MAGI2: variants seen among roughly 807,000 people sequenced by gnomAD.
The protein encoded by MAGI2 is membrane-associated guanylate kinase, WW and PDZ domain-containing protein 2.
In MAGI2, 35 loss-of-function variants were observed where a neutral mutation model predicts 133.3. That is an observed-to-expected ratio of 0.26 (90% CI 0.20 to 0.35). The LOEUF (loss-of-function observed/expected upper bound fraction) is 0.35, where lower values mean the gene tolerates loss of function less well. MAGI2 is among the 10% of genes least tolerant of loss of function. The probability of loss-of-function intolerance (pLI) is 1.00; values close to 1 mark genes in which losing one functional copy is unlikely to be tolerated. For synonymous variants in MAGI2, 729 were observed against 710.6 expected, an observed-to-expected ratio of 1.03 and a Z score of -0.41; for missense variants, 1,636 against 1,863.4, an observed-to-expected ratio of 0.88 and a Z score of 2.25.
intron 14 of MAGI2, among the ~76,000 whole-genome samples, chr7:78,173,539 A>T (rs1826309282): frequency 1.3e-5 from 2 of 152,224 alleles, no homozygotes; most frequent in African/African-American, 2.4e-5. Flanking sequence ...GACTCTATTA[A>T]AGTAAGTATC....
chr7:79,095,156 T>C (rs1424391653), intron 1 of MAGI2, among the ~76,000 whole-genome samples: 1 of 152,212 alleles, frequency 6.6e-6, no homozygotes, highest in Admixed American at 6.5e-5. Flanking sequence ...ATCTTCTGGA[T>C]AGCCTCTGCG....
At chr7:78,764,106 T>C (rs552607393) in intron 2 of MAGI2, among the ~76,000 whole-genome samples, 3 of 152,338 alleles carry the variant, frequency 2.0e-5, no homozygotes, top group African/African-American at 7.2e-5. Context: ...TGCTCTGGTG[T>C]GAACTTAAGG....
chr7:78,346,778 A>G (rs1420115718), intron 7 of MAGI2, among the ~76,000 whole-genome samples: 1 of 152,132 alleles, frequency 6.6e-6, no homozygotes, highest in Non-Finnish European at 1.5e-5. Flanking sequence ...GAGAGTAGAA[A>G]CCAACAAATC....
chr7:78,885,426 C>A (rs1354995606), intron 2 of MAGI2, among the ~76,000 whole-genome samples: 1 of 152,164 alleles, frequency 6.6e-6, no homozygotes, highest in Non-Finnish European at 1.5e-5. Context: ...CCACGATGAT[C>A]CTTTCAATGT....
chr7:78,192,607 C>T (rs1407318620), intron 12 of MAGI2, among the ~76,000 whole-genome samples: 1 of 151,346 alleles, frequency 6.6e-6, no homozygotes, highest in East Asian at 1.9e-4. Context: ...GAAAGTGGCG[C>T]CATGCTCTCC....
At chr7:79,417,386 T>C (rs1157795903) in intron 1 of MAGI2, among the ~76,000 whole-genome samples, 1 of 152,140 alleles carries the variant, frequency 6.6e-6, no homozygotes, top group Non-Finnish European at 1.5e-5. Flanking sequence ...TAAGGCTCTG[T>C]TTACCAAGGT....
intron 3 of MAGI2, among the ~76,000 whole-genome samples, chr7:78,535,684 C>T (rs1797828361): frequency 6.6e-6 from 1 of 152,102 alleles, no homozygotes; most frequent in Admixed American, 6.5e-5. Context: ...AAACAAACCC[C>T]CTTCTTGCCT....
At chr7:78,250,884 T>G (rs1312281294) in intron 10 of MAGI2, among the ~76,000 whole-genome samples, 2 of 152,102 alleles carry the variant, frequency 1.3e-5, no homozygotes, top group Non-Finnish European at 2.9e-5. Flanking sequence ...CCTACTCATT[T>G]TATGAAGCCA....
intron 7 of MAGI2, among the ~76,000 whole-genome samples, chr7:78,349,407 C>T (rs778336113): frequency 1.3e-5 from 2 of 152,116 alleles, no homozygotes; most frequent in African/African-American, 2.4e-5. Flanking sequence ...GGTCATTGTT[C>T]GTCATATGCA....
intron 9 of MAGI2, among the ~76,000 whole-genome samples, chr7:78,267,056 G>A (rs554128854): frequency 2.3e-4 from 35 of 152,240 alleles, no homozygotes; most frequent in African/African-American, 7.7e-4. Flanking sequence ...TCAACCCTAG[G>A]TCTCTATCAA....
intron 8 of MAGI2, among the ~76,000 whole-genome samples, 166 bp from the exon 9 acceptor site, chr7:78,344,126 A>T (rs1790664831): frequency 1.3e-5 from 2 of 152,200 alleles, no homozygotes; most frequent in African/African-American, 4.8e-5. Context: ...AAACTATTAG[A>T]ACTTCCTACA....
At chr7:79,125,308 G>T (rs978289097) in intron 1 of MAGI2, 4 of 462,760 alleles carry the variant, frequency 8.6e-6, no homozygotes, top group African/African-American at 8.0e-5. Flanking sequence ...GCTTCATCTA[G>T]CCAGAGGTTG....
intron 20 of MAGI2, among the ~76,000 whole-genome samples, 172 bp from the exon 21 acceptor site, chr7:78,079,257 C>T (rs1159361261): frequency 6.6e-6 from 1 of 152,188 alleles, no homozygotes; most frequent in Non-Finnish European, 1.5e-5. Context: ...AATCTGATCA[C>T]CAAATTTTAT....
At chr7:79,189,736 A>T (rs1827489168) in intron 1 of MAGI2, among the ~76,000 whole-genome samples, 1 of 151,796 alleles carries the variant, frequency 6.6e-6, no homozygotes, top group African/African-American at 2.4e-5. Context: ...TTTCACACAG[A>T]GTAGTTTCAC....
chr7:79,399,694 A>C (rs1251452945), intron 1 of MAGI2, among the ~76,000 whole-genome samples: 1 of 152,158 alleles, frequency 6.6e-6, no homozygotes, highest in Non-Finnish European at 1.5e-5. Context: ...AAAGGACCCT[A>C]ATTCTTGACT....
intron 2 of MAGI2, among the ~76,000 whole-genome samples, chr7:78,999,308 T>C (rs1287242849): frequency 6.6e-6 from 1 of 152,056 alleles, no homozygotes; most frequent in Admixed American, 6.6e-5. Flanking sequence ...TATTCCTTTT[T>C]TTTTTTCGGT....
intron 2 of MAGI2, among the ~76,000 whole-genome samples, chr7:78,791,837 A>C (rs1787176215): frequency 1.3e-5 from 2 of 152,194 alleles, no homozygotes; most frequent in Non-Finnish European, 2.9e-5. Flanking sequence ...GACATGAGCC[A>C]TTGTGCCGGG....
intron 6 of MAGI2, among the ~76,000 whole-genome samples, chr7:78,426,951 T>C (rs1244641801): frequency 6.6e-6 from 1 of 152,170 alleles, no homozygotes; most frequent in East Asian, 1.9e-4. Flanking sequence ...GTGTAATACA[T>C]ATGACAACAG....
chr7:78,687,969 T>TAAAAAAAAAAAAAAA lies in MAGI2; in HGVS notation c.419-60745_419-60731dup, dbSNP rs72030909. 7.4e-4 allele frequency among the ~76,000 whole-genome samples: 50 copies of TAAAAAAAAAAAAAAA among 67,234 alleles called. 1 individual carries two copies. The highest frequency in any genetic ancestry group is 8.8e-4 in the African/African-American group (17 of 19,220). 44.1% of individuals were successfully genotyped at this position (67,234 alleles called of 152,430 possible). A position where few individuals can be genotyped will look rare whatever the true frequency, so the allele number is the denominator to read the frequency against. On this transcript the variant is annotated intron_variant, in intron 2 of 21. Transcript: ENST00000354212. ...TGGGCAAGAGAGTGAGTCCTTGCCTTAAAAAAAAAAAAAAAAAAAAAAAAA... is the reference window on the plus strand; with the variant it reads ...TGGGCAAGAGAGTGAGTCCTTGCCTTAAAAAAAAAAAAAAAAAAAAAAAAAAAAAAAAAAAAAAAA...
Sources: allele counts gnomAD v4.1 joint callset (sites outside exome capture counted in the v4.1 genomes callset), GRCh38; gene constraint gnomAD v4.1.1; transcripts MANE v1.5; gene names NCBI Gene and HGNC (gene_info 2026-07-23, HGNC 2026-07-21).